SSBP2: variants seen among roughly 807,000 people sequenced by gnomAD.
SSBP2 encodes the protein single stranded DNA binding protein 2.
In SSBP2, 17 loss-of-function variants were observed where a neutral mutation model predicts 61.8. That is an observed-to-expected ratio of 0.28 (90% CI 0.19 to 0.41). The LOEUF is 0.41. Among genes scored for constraint, SSBP2 ranks in the 10% least tolerant of loss-of-function variants. The pLI, the probability that SSBP2 is intolerant of heterozygous loss-of-function variation, is 1.00. For missense variants in SSBP2, 310 were observed against 458.7 expected (o/e 0.68, Z 2.96); for synonymous variants, 139 against 141.3 (o/e 0.98, Z 0.12).
chr5:81,556,269 T>C (rs1401683291), intron 4 of SSBP2, among the ~76,000 whole-genome samples: 1 of 152,112 alleles, frequency 6.6e-6, no homozygotes, highest in Non-Finnish European at 1.5e-5. Context: ...CCAGTGGTCG[T>C]TGCCAATGTG....
intron 1 of SSBP2, among the ~76,000 whole-genome samples, chr5:81,693,559 A>T (rs1285630222): frequency 1.3e-5 from 2 of 152,246 alleles, no homozygotes; most frequent in Non-Finnish European, 2.9e-5. Flanking sequence ...TACAAATGGC[A>T]AACAGGCATA....
At chr5:81,455,163 C>CA (rs5869081) in intron 10 of SSBP2, among the ~76,000 whole-genome samples, 34,750 of 149,802 alleles carry the variant, frequency 0.23, 4,275 homozygotes, top group Non-Finnish European at 0.28. Context: ...ATTTAACGTT[C>CA]AAAAAAAAAC....
At chr5:81,514,403 G>T (rs542013605) in intron 4 of SSBP2, among the ~76,000 whole-genome samples, 1 of 151,938 alleles carries the variant, frequency 6.6e-6, no homozygotes, top group South Asian at 2.1e-4. Flanking sequence ...TGGAATCCTG[G>T]TATTTCATAA....
At position 81,415,911 on chromosome 5, in the gene SSBP2, C is replaced by CG. The variant is rs1761288870; in HGVS notation, c.*4592_*4593insC. ...TGGGTGACAGAGCAAGATTCTGACT[C>CG]AAAAAAAAAAAAAAAAAAGAGGAAA... On this transcript the variant is annotated 3_prime_UTR_variant, in exon 17 of 17. Coordinates refer to ENST00000320672, the MANE Select transcript of SSBP2 (RefSeq NM_012446.5). 1 of 23,490 alleles carries CG rather than the reference C, an allele frequency of 4.3e-5. No homozygotes were observed. The highest frequency in any genetic ancestry group is 7.3e-4 in the African/African-American group (1 of 1,368). The allele number at this position is 23,490 out of a possible 1,614,324, so 1.5% of individuals were successfully genotyped here. A position where few individuals can be genotyped will look rare whatever the true frequency, so the allele number is the denominator to read the frequency against.
At chr5:81,478,094 A>G (rs1328853637) in intron 6 of SSBP2, among the ~76,000 whole-genome samples, 1 of 152,178 alleles carries the variant, frequency 6.6e-6, no homozygotes, top group Non-Finnish European at 1.5e-5. Context: ...GAGGAGGACT[A>G]AAAATGTATG....
chr5:81,600,561 C>CAAAAAAAAA (rs35204869), intron 4 of SSBP2, among the ~76,000 whole-genome samples: 2 of 87,606 alleles, frequency 2.3e-5, no homozygotes, highest in East Asian at 2.8e-4. Flanking sequence ...GACTCTGTCT[C>CAAAAAAAAA]AAAAAAAAAA....
At chr5:81,639,742 G>A (rs1033246137) in intron 2 of SSBP2, among the ~76,000 whole-genome samples, 2 of 151,874 alleles carry the variant, frequency 1.3e-5, no homozygotes, top group Non-Finnish European at 2.9e-5. Flanking sequence ...ATACTACTAA[G>A]AAGTGAACAA....
At chr5:81,502,552 T>A (rs185659288) in intron 5 of SSBP2, among the ~76,000 whole-genome samples, 3 of 152,156 alleles carry the variant, frequency 2.0e-5, no homozygotes, top group Non-Finnish European at 4.4e-5. Flanking sequence ...GCCTCAAACA[T>A]AAAAGTCCAG....
At position 81,438,835 on chromosome 5, in the gene SSBP2, T is replaced by C. The variant is rs948401125; in HGVS notation, c.929-1377A>G. Among the ~76,000 whole-genome samples, 20 of 152,250 alleles carry C rather than the reference T, an allele frequency of 1.3e-4. 1 individual carries two copies. The highest frequency in any genetic ancestry group is 6.5e-5 in the Admixed American group (1 of 15,286). On this transcript the variant is annotated intron_variant, in intron 14 of 16. Transcript: ENST00000320672. ...AAAATTCAAGAATGGTGCTGTCCAA[T>C]AGAATTTTGTGCAATGATGGAAATG...
chr5:81,453,460 T>C (rs1272583750), intron 10 of SSBP2, among the ~76,000 whole-genome samples: 8 of 147,918 alleles, frequency 5.4e-5, no homozygotes, highest in African/African-American at 2.0e-4. Flanking sequence ...TTTATTCTTT[T>C]TTTTTTTTTT....
chr5:81,494,821 G>GA (rs200307054), intron 5 of SSBP2, among the ~76,000 whole-genome samples: 59 of 149,626 alleles, frequency 3.9e-4, no homozygotes, highest in South Asian at 6.3e-4. Flanking sequence ...GTGACAAAAT[G>GA]AAAAAAAAAT....
At chr5:81,673,762 A>G (rs939569730) in intron 1 of SSBP2, among the ~76,000 whole-genome samples, 15 of 152,198 alleles carry the variant, frequency 9.9e-5, no homozygotes, top group African/African-American at 3.6e-4. Flanking sequence ...TCACATGGCT[A>G]AAGACGTTGG....
chr5:81,588,735 T>A, intron 4 of SSBP2, among the ~76,000 whole-genome samples: 1 of 152,118 alleles, frequency 6.6e-6, no homozygotes, highest in South Asian at 2.1e-4. Flanking sequence ...AACTTATAAA[T>A]AAATGAGATA....
intron 4 of SSBP2, among the ~76,000 whole-genome samples, chr5:81,515,431 T>C (rs928249464): frequency 1.3e-5 from 2 of 152,008 alleles, no homozygotes; most frequent in Non-Finnish European, 2.9e-5. Flanking sequence ...TTCAAATGTA[T>C]ACTGTAACAC....
At chr5:81,424,883 G>A (rs1215503402) in intron 16 of SSBP2, among the ~76,000 whole-genome samples, 2 of 152,146 alleles carry the variant, frequency 1.3e-5, no homozygotes, top group Non-Finnish European at 2.9e-5. Context: ...CTATTGTACT[G>A]CTGCATCAAT....
intron 9 of SSBP2, among the ~76,000 whole-genome samples, chr5:81,466,418 C>T (rs931721611): frequency 6.6e-6 from 1 of 151,984 alleles, no homozygotes; most frequent in Non-Finnish European, 1.5e-5. Context: ...TCATCCTACG[C>T]TACGGAAAGT....
intron 5 of SSBP2, among the ~76,000 whole-genome samples, chr5:81,508,145 G>GT (rs1768323094): frequency 6.6e-6 from 1 of 152,040 alleles, no homozygotes; most frequent in Admixed American, 6.6e-5. Flanking sequence ...TCAGTTCTGG[G>GT]TACCTACAAT....
chr5:81,458,772 A>G (rs1329403555), intron 10 of SSBP2, among the ~76,000 whole-genome samples: 2 of 152,098 alleles, frequency 1.3e-5, no homozygotes, highest in African/African-American at 4.8e-5. Context: ...GGGGAAAAAT[A>G]CCTCCTTAAT....
At chr5:81,450,792 G>T (rs1159867104) in intron 10 of SSBP2, among the ~76,000 whole-genome samples, 1 of 152,106 alleles carries the variant, frequency 6.6e-6, no homozygotes, top group Non-Finnish European at 1.5e-5. Flanking sequence ...TCTCTCCAAT[G>T]TCTTAAATTC....
Sources: allele counts gnomAD v4.1 joint callset (sites outside exome capture counted in the v4.1 genomes callset), GRCh38; gene constraint gnomAD v4.1.1; transcripts MANE v1.5; gene names NCBI Gene and HGNC (gene_info 2026-07-23, HGNC 2026-07-21).